The following MYOZ2 variants were observed in gnomAD, a reference collection of about 807,000 sequenced individuals.
MYOZ2 encodes the protein myozenin 2, also known as myozenin-2.
In MYOZ2, 19 loss-of-function variants were observed where a neutral mutation model predicts 25.4. That is an observed-to-expected ratio of 0.75 (90% CI 0.52 to 1.10). The LOEUF is 1.10. Among genes scored for constraint, MYOZ2 ranks in the 50% least tolerant of loss-of-function variants. MYOZ2 has a pLI of 0.00. For synonymous variants in MYOZ2, 92 were observed against 106.9 expected, an observed-to-expected ratio of 0.86 and a Z score of 0.86; for missense variants, 270 against 317.9, an observed-to-expected ratio of 0.85 and a Z score of 1.15.
chr4:119,142,163 T>C (rs1210846309), intron 2 of MYOZ2, among the ~76,000 whole-genome samples: 1 of 152,188 alleles, frequency 6.6e-6, no homozygotes, highest in East Asian at 1.9e-4. Context: ...ATTTCTGTGG[T>C]ATAAATGCTT....
rs111321372 is a variant in MYOZ2 at position 119,136,663 on chromosome 4, C to T, written c.76+62C>T. 236 of 1,500,366 alleles carry T rather than the reference C, an allele frequency of 1.6e-4. No individual in the cohort carries two copies. The African/African-American group carries it at 2.9e-3, about 18-fold the overall frequency. The allele number at this position is 1,500,366 out of a possible 1,614,324, so 92.9% of individuals were successfully genotyped here. A position where few individuals can be genotyped will look rare whatever the true frequency, so the allele number is the denominator to read the frequency against. On this transcript the variant is annotated intron_variant, in intron 2 of 5. Coordinates refer to ENST00000307128, the MANE Select transcript of MYOZ2 (RefSeq NM_016599.5). ...CAGCATGAATGTGGCTCCATCCTGACGTTGTTTAATATTCCATAGTTTACT... is the reference window on the plus strand; with the variant it reads ...CAGCATGAATGTGGCTCCATCCTGATGTTGTTTAATATTCCATAGTTTACT...
At chr4:119,161,784 AG>A (rs1276009134) in intron 4 of MYOZ2, among the ~76,000 whole-genome samples, 1 of 152,180 alleles carries the variant, frequency 6.6e-6, no homozygotes, top group Non-Finnish European at 1.5e-5. Flanking sequence ...AACATTTAAA[AG>A]TATTTTAAAC....
In MYOZ2 at chr4:119,142,797, G is replaced by A. The variant is rs147206046; in HGVS notation, c.76+6196G>A. On this transcript the variant is annotated intron_variant, in intron 2 of 5. Transcript: ENST00000307128. ...TGCAGGAAAGTGAGGGAGAAAGTACGATGAGTTGCTGTATAAACTTCTTCC... is the reference window on the plus strand; with the variant it reads ...TGCAGGAAAGTGAGGGAGAAAGTACAATGAGTTGCTGTATAAACTTCTTCC... Among the ~76,000 whole-genome samples the A allele has an allele frequency of 5.3e-3, 807 of 152,290 alleles. 6 individuals are homozygous for A. The highest frequency in any genetic ancestry group is 0.019 in the African/African-American group (788 of 41,542).
At chr4:119,163,800 T>C (rs4355373) in intron 4 of MYOZ2, among the ~76,000 whole-genome samples, 52,188 of 152,086 alleles carry the variant, frequency 0.34, 10,327 homozygotes, top group East Asian at 0.52. Flanking sequence ...TTTGTCTGCA[T>C]TGCGATTTCC....
intron 5 of MYOZ2, among the ~76,000 whole-genome samples, chr4:119,173,959 C>T (rs1161386563): frequency 2.0e-5 from 3 of 152,188 alleles, no homozygotes; most frequent in Non-Finnish European, 2.9e-5. Flanking sequence ...GTACTGGGTC[C>T]CCCAGCAGTG....
Position 119,187,716 on chromosome 4 carries a change from A to G in MYOZ2, c.*1516A>G, listed in dbSNP as rs1473524948. 6.6e-6 allele frequency: 1 copy of G among 152,184 alleles called. No individual in the cohort carries two copies. Among genetic ancestry groups the G allele is most frequent in the African/African-American group, 2.4e-5 (1 of 41,450 alleles). The allele number at this position is 152,184 out of a possible 1,614,324, so 9.4% of individuals were successfully genotyped here. A position where few individuals can be genotyped will look rare whatever the true frequency, so the allele number is the denominator to read the frequency against. On this transcript the variant is annotated 3_prime_UTR_variant, in exon 6 of 6. Transcript: ENST00000307128. ...TGTTGGCATCTGTGATAAACTATCA[A>G]TGAGGCTCCCATCATGCCATTTTTT...
At chr4:119,160,939 A>C (rs973036235) in intron 4 of MYOZ2, among the ~76,000 whole-genome samples, 3 of 14,384 alleles carry the variant, frequency 2.1e-4, no homozygotes, top group African/African-American at 6.6e-4. Context: ...TTATATATAA[A>C]TAACTGTATT....
intron 5 of MYOZ2, among the ~76,000 whole-genome samples, chr4:119,170,988 G>C (rs922095122): frequency 2.0e-5 from 3 of 152,120 alleles, no homozygotes; most frequent in Non-Finnish European, 4.4e-5. Flanking sequence ...GAAATGATGG[G>C]AGAGAGTGGA....
intron 5 of MYOZ2, among the ~76,000 whole-genome samples, chr4:119,180,424 C>T (rs1230336912): frequency 6.6e-6 from 1 of 152,132 alleles, no homozygotes; most frequent in Non-Finnish European, 1.5e-5. Context: ...CACTCTCATC[C>T]CCTGCCTGCC....
At chr4:119,139,574 G>T (rs944806506) in intron 2 of MYOZ2, among the ~76,000 whole-genome samples, 1 of 152,112 alleles carries the variant, frequency 6.6e-6, no homozygotes, top group African/African-American at 2.4e-5. Flanking sequence ...GGTAGGAAAG[G>T]ATAAAAGGAT....
chr4:119,154,072 AATTAT>A (rs1741516145), intron 3 of MYOZ2, among the ~76,000 whole-genome samples: 1 of 152,108 alleles, frequency 6.6e-6, no homozygotes, highest in Admixed American at 6.6e-5. Flanking sequence ...GGAAAAGGGG[AATTAT>A]ACTATTAAAA....
At chr4:119,166,625 G>A (rs1297077720) in intron 5 of MYOZ2, among the ~76,000 whole-genome samples, 4 of 152,002 alleles carry the variant, frequency 2.6e-5, no homozygotes, top group Non-Finnish European at 2.9e-5. Flanking sequence ...GGCATACCTC[G>A]TTTTATTGCA....
chr4:119,152,236 C>T (rs1028637661), intron 3 of MYOZ2, among the ~76,000 whole-genome samples: 1 of 151,178 alleles, frequency 6.6e-6, no homozygotes, highest in Admixed American at 6.6e-5. Flanking sequence ...AGTCCATGTA[C>T]CCTATAAGTA....
chr4:119,180,590 G>A lies in MYOZ2; in HGVS notation c.561-5376G>A, dbSNP rs141072097. Among the ~76,000 whole-genome samples the A allele has an allele frequency of 3.5e-3, 539 of 152,222 alleles. 3 individuals carry two copies. Among genetic ancestry groups the A allele is most frequent in the Admixed American group, 0.011 (175 of 15,282 alleles). ...ATTTTTTTGAGATGGAATTTTGCTC[G>A]TCACCCATGCTGGAGTGCGGTGGTG... On this transcript the variant is annotated intron_variant, in intron 5 of 5. Coordinates refer to ENST00000307128, the MANE Select transcript of MYOZ2 (RefSeq NM_016599.5).
chr4:119,175,341 A>C (rs1193852256), intron 5 of MYOZ2, among the ~76,000 whole-genome samples: 1 of 152,222 alleles, frequency 6.6e-6, no homozygotes, highest in Non-Finnish European at 1.5e-5. Flanking sequence ...TGTAATTCAG[A>C]AAACAAAATA....
At chr4:119,150,374 C>T (rs1351321431) in intron 2 of MYOZ2, among the ~76,000 whole-genome samples, 2 of 151,884 alleles carry the variant, frequency 1.3e-5, no homozygotes, top group Middle Eastern at 3.2e-3. Flanking sequence ...CATCTGCCTA[C>T]TTTATGGAGG....
intron 4 of MYOZ2, among the ~76,000 whole-genome samples, chr4:119,160,426 T>C (rs1235463527): frequency 2.0e-5 from 3 of 152,120 alleles, no homozygotes; most frequent in Non-Finnish European, 2.9e-5. Context: ...TAGTCTTTAC[T>C]GTACACTATG....
chr4:119,146,270 A>T, intron 2 of MYOZ2, among the ~76,000 whole-genome samples: 2 of 148,870 alleles, frequency 1.3e-5, no homozygotes, highest in Non-Finnish European at 3.0e-5. Flanking sequence ...GCTTGCTTTG[A>T]GTTTATTTTG....
At chr4:119,143,907 G>GT (rs1168684389) in intron 2 of MYOZ2, among the ~76,000 whole-genome samples, 1 of 151,818 alleles carries the variant, frequency 6.6e-6, no homozygotes, top group Non-Finnish European at 1.5e-5. Flanking sequence ...TTTATTTTGA[G>GT]TTTTTTTTAG....
Sources: gnomAD v4.1 joint callset for allele counts (sites outside exome capture counted in the v4.1 genomes callset) on GRCh38, gnomAD v4.1.1 for gene constraint, MANE v1.5 for transcripts, NCBI Gene and HGNC (gene_info 2026-07-23, HGNC 2026-07-21) for gene names.